Variants in PCDH7 observed in about 807,000 individuals in gnomAD.
PCDH7 encodes the protein protocadherin-7.
A neutral mutation model predicts 58.9 loss-of-function variants in PCDH7; 17 were observed. That is an observed-to-expected ratio of 0.29 (90% CI 0.20 to 0.43). The LOEUF (loss-of-function observed/expected upper bound fraction) is 0.43. Among genes scored for constraint, PCDH7 ranks in the 20% least tolerant of loss-of-function variants. The pLI, the probability that PCDH7 is intolerant of heterozygous loss-of-function variation, is 1.00. For missense variants in PCDH7, 1,274 were observed against 1,441.0 expected (o/e 0.88, Z 1.88); for synonymous variants, 664 against 616.4 (o/e 1.08, Z -1.14).
downstream of PCDH7, among the ~76,000 whole-genome samples, chr4:30,735,609 A>G (rs186477270): frequency 3.0e-4 from 46 of 152,312 alleles, no homozygotes; most frequent in South Asian, 1.7e-3. Context: ...ACAGAGATCA[A>G]TAGTCCTTAA....
chr4:31,059,326 A>G (rs892268225), intron 3 of PCDH7, among the ~76,000 whole-genome samples: 1 of 151,884 alleles, frequency 6.6e-6, no homozygotes, highest in Non-Finnish European at 1.5e-5. Context: ...ATAGAAATCA[A>G]AACTCTTTTG....
At chr4:30,874,258 C>A (rs865953672) in intron 1 of PCDH7, among the ~76,000 whole-genome samples, 2 of 151,694 alleles carry the variant, frequency 1.3e-5, no homozygotes, top group South Asian at 2.1e-4. Context: ...ATGTTTATTG[C>A]GGCACTATTC....
At chr4:31,021,699 T>C (rs1279498494) in intron 3 of PCDH7, among the ~76,000 whole-genome samples, 2 of 152,082 alleles carry the variant, frequency 1.3e-5, no homozygotes, top group African/African-American at 4.8e-5. Context: ...ATACTTTTTT[T>C]AATGGGTCAG....
At chr4:30,944,910 T>C (rs979618098) in intron 2 of PCDH7, among the ~76,000 whole-genome samples, 4 of 152,248 alleles carry the variant, frequency 2.6e-5, no homozygotes, top group African/African-American at 9.6e-5. Context: ...TGTGAGATTT[T>C]TAGGGAGCAG....
At chr4:31,117,659 C>T (rs1499476) in intron 3 of PCDH7, among the ~76,000 whole-genome samples, 87,007 of 151,986 alleles carry the variant, frequency 0.57, 28,149 homozygotes, top group African/African-American at 0.88. Context: ...AATAAGACTA[C>T]ATTTGTTCCT....
chr4:31,019,895 GA>G (rs1484347906), intron 3 of PCDH7, among the ~76,000 whole-genome samples: 25 of 151,934 alleles, frequency 1.6e-4, no homozygotes, highest in African/African-American at 6.0e-4. Context: ...GGGAGCTGGG[GA>G]TATTGTTTTG....
Position 30,936,053 on chromosome 4 carries a change from A to G in PCDH7, c.288-14067A>G, listed in dbSNP as rs577691809. Among the ~76,000 whole-genome samples, 89 of 152,246 alleles carry G rather than the reference A, an allele frequency of 5.8e-4. 2 individuals are homozygous for G. The South Asian group carries it at 0.017, about 30-fold the overall frequency. On this transcript the variant is annotated intron_variant, in intron 2 of 3. Coordinates refer to the PCDH7 transcript ENST00000509759. The stretch of plus-strand genomic sequence containing the variant: ...GAAGCACTAAAAAAGAACAACGTGA[A>G]GTGGATAACCTATCCATCAAAAATA...
chr4:31,007,839 C>G (rs890436024), intron 3 of PCDH7, among the ~76,000 whole-genome samples: 1 of 151,994 alleles, frequency 6.6e-6, no homozygotes, highest in African/African-American at 2.4e-5. Flanking sequence ...CAAAGACAAC[C>G]ATGTTGTGAT....
chr4:30,787,518 A>C (rs1477100565), intron 1 of PCDH7, among the ~76,000 whole-genome samples: 1 of 152,140 alleles, frequency 6.6e-6, no homozygotes, highest in Non-Finnish European at 1.5e-5. Flanking sequence ...TGTCACAGAC[A>C]TTTTACACAG....
chr4:30,749,812 C>T (rs2109256918), intron 1 of PCDH7, among the ~76,000 whole-genome samples: 1 of 152,210 alleles, frequency 6.6e-6, no homozygotes, highest in Admixed American at 6.5e-5. Context: ...CAGTGCAGTA[C>T]AATGAAAATT....
chr4:30,892,442 C>T (rs116730547), intron 1 of PCDH7, among the ~76,000 whole-genome samples: 1 of 151,842 alleles, frequency 6.6e-6, no homozygotes, highest in African/African-American at 2.4e-5. Flanking sequence ...TATTCTATAT[C>T]CAGTGATTCT....
rs370326614 is a variant in PCDH7 at position 30,871,686 on chromosome 4, G to A, written c.71-48467G>A. On this transcript the variant is annotated intron_variant, in intron 1 of 3. Transcript: ENST00000509759. ...CTGAATTCATTGTATTTCTTTCTTA[G>A]GCCTGTCATAAAAAAGTGATACAAA... Among the ~76,000 whole-genome samples the A allele has an allele frequency of 2.6e-5, 4 of 151,862 alleles. No individual in the cohort carries two copies. In the East Asian group the frequency reaches 5.8e-4, roughly 22 times the overall value.
At chr4:30,817,373 T>C (rs1243351301) in intron 1 of PCDH7, among the ~76,000 whole-genome samples, 1 of 152,228 alleles carries the variant, frequency 6.6e-6, no homozygotes, top group Non-Finnish European at 1.5e-5. Context: ...TATTTTAGTA[T>C]TTTGAAATTT....
chr4:30,778,920 C>G (rs1296775632), intron 1 of PCDH7, among the ~76,000 whole-genome samples: 1 of 150,736 alleles, frequency 6.6e-6, no homozygotes, highest in Non-Finnish European at 1.5e-5. Flanking sequence ...TGAACATGTC[C>G]TGTCACATCT....
At chr4:30,891,005 A>C (rs2109383194) in intron 1 of PCDH7, among the ~76,000 whole-genome samples, 1 of 152,074 alleles carries the variant, frequency 6.6e-6, no homozygotes, top group East Asian at 1.9e-4. Context: ...ATGCTCCATA[A>C]ATGCTTGAAA....
At chr4:31,129,577 A>G (rs373673008) in intron 3 of PCDH7, among the ~76,000 whole-genome samples, 1 of 152,144 alleles carries the variant, frequency 6.6e-6, no homozygotes, top group Non-Finnish European at 1.5e-5. Context: ...CAGACTTGTT[A>G]TTCTACTTAC....
intron 1 of PCDH7, among the ~76,000 whole-genome samples, chr4:30,770,479 T>C (rs540412129): frequency 6.6e-6 from 1 of 152,260 alleles, no homozygotes; most frequent in East Asian, 1.9e-4. Context: ...TGGGGTGAAG[T>C]AAATGGAAAG....
At chr4:30,736,609 C>T (rs1716320810), downstream of PCDH7, among the ~76,000 whole-genome samples, 11 of 149,768 alleles carry the variant, frequency 7.3e-5, no homozygotes, top group South Asian at 2.3e-3. Flanking sequence ...GATCTCGGCT[C>T]ACTGCAAGCT....
intron 1 of PCDH7, among the ~76,000 whole-genome samples, chr4:30,874,560 G>T (rs187323674): frequency 1.3e-5 from 2 of 151,248 alleles, no homozygotes; most frequent in Non-Finnish European, 2.9e-5. Context: ...GGTGGAGGGA[G>T]GGATAGCCTT....
Sources: gnomAD v4.1 joint callset for allele counts (sites outside exome capture counted in the v4.1 genomes callset) on GRCh38, gnomAD v4.1.1 for gene constraint, MANE v1.5 for transcripts, NCBI Gene and HGNC (gene_info 2026-07-23, HGNC 2026-07-21) for gene names.